The following GNG7 variants were observed in gnomAD, a reference collection of about 807,000 sequenced individuals.
The protein encoded by GNG7 is guanine nucleotide-binding protein G(I)/G(S)/G(O) subunit gamma-7.
Under a neutral mutation model 4.0 loss-of-function variants are expected in GNG7, and 1 was observed. That is an observed-to-expected ratio of 0.25 (90% confidence interval 0.09 to 1.18). The LOEUF is 1.18. GNG7 is among the 50% of genes most tolerant of loss of function. GNG7 has a pLI of 0.50. For missense variants in GNG7, 86 were observed against 91.9 expected, an observed-to-expected ratio of 0.94 and a Z score of 0.26; for synonymous variants, 34 against 36.9, an observed-to-expected ratio of 0.92 and a Z score of 0.29.
At chr19:2,655,464 G>C (rs188647982) in intron 1 of GNG7, among the ~76,000 whole-genome samples, 2 of 151,974 alleles carry the variant, frequency 1.3e-5, no homozygotes, top group Non-Finnish European at 2.9e-5. Context: ...TGTCATCCCA[G>C]CACTTTGGGA....
At position 2,514,943 on chromosome 19, in the gene GNG7, G is replaced by T; in HGVS notation, c.*79C>A. The stretch of plus-strand genomic sequence containing the variant: ...TTGTTTGAGCTAATTACTGAATGAT[G>T]CCCTGCCTGAGACAGAGACAGAGAC... On this transcript the variant is annotated 3_prime_UTR_variant, in exon 5 of 5. Transcript: ENST00000382159. 1 of 1,176,688 alleles carries T rather than the reference G, an allele frequency of 8.5e-7. No homozygotes were observed. The highest frequency in any genetic ancestry group is 1.3e-6 in the Non-Finnish European group (1 of 799,284). The allele number at this position is 1,176,688 out of a possible 1,614,324, so 72.9% of individuals were successfully genotyped here.
intron 2 of GNG7, among the ~76,000 whole-genome samples, chr19:2,579,184 G>A (rs993346810): frequency 1.3e-5 from 2 of 152,258 alleles, no homozygotes; most frequent in African/African-American, 4.8e-5. Context: ...AGGTCCAGAC[G>A]CCAAGGTCTG....
chr19:2,564,310 G>A (rs138446633), intron 2 of GNG7, among the ~76,000 whole-genome samples: 112 of 152,232 alleles, frequency 7.4e-4, no homozygotes, highest in African/African-American at 2.6e-3. Flanking sequence ...GCTGAGATTG[G>A]TGGCTCACAC....
At chr19:2,654,873 C>A (rs1052198034) in intron 1 of GNG7, among the ~76,000 whole-genome samples, 2 of 152,224 alleles carry the variant, frequency 1.3e-5, no homozygotes, top group Non-Finnish European at 2.9e-5. Context: ...CTGGCCTCCA[C>A]CCACTCCATG....
intron 1 of GNG7, among the ~76,000 whole-genome samples, chr19:2,648,727 A>ACTCAGGACAGCAGCAG: frequency 6.6e-6 from 1 of 152,286 alleles, no homozygotes; most frequent in East Asian, 1.9e-4. Flanking sequence ...AGGGCCTGCC[A>ACTCAGGACAGCAGCAG]CTCAGGACAG....
At chr19:2,578,179 C>T (rs1980399213) in intron 2 of GNG7, among the ~76,000 whole-genome samples, 1 of 151,580 alleles carries the variant, frequency 6.6e-6, no homozygotes, top group Non-Finnish European at 1.5e-5. Context: ...ATAGAGGGTG[C>T]TGATTCTTAG....
rs528143462 is a variant in GNG7 at position 2,634,905 on chromosome 19, G to A, written c.-78+11319C>T. 2.1e-4 allele frequency among the ~76,000 whole-genome samples: 31 copies of A among 151,174 alleles called. No individual in the cohort carries two copies. In the South Asian group the frequency reaches 5.4e-3, roughly 27 times the overall value. Reference sequence around the variant, plus strand: ...ATGTTACCAAAAAAAAAAAACCCTCGCCGGGAGAACAAGGAGCTACCAGAA... The same window carrying A: ...ATGTTACCAAAAAAAAAAAACCCTCACCGGGAGAACAAGGAGCTACCAGAA... On this transcript the variant is annotated intron_variant, in intron 2 of 4. Transcript: ENST00000382159. The surrounding 1 kb of genome is among the most constrained non-coding windows in gnomAD (Gnocchi z 5.3).
At chr19:2,635,484 T>G (rs1231297205) in intron 2 of GNG7, among the ~76,000 whole-genome samples, 2 of 151,944 alleles carry the variant, frequency 1.3e-5, no homozygotes, top group Non-Finnish European at 2.9e-5. Context: ...CTCTCCCTCC[T>G]CACTCGGAGT....
At chr19:2,639,180 A>C (rs374214008) in intron 2 of GNG7, among the ~76,000 whole-genome samples, 1 of 151,594 alleles carries the variant, frequency 6.6e-6, no homozygotes, top group East Asian at 1.9e-4. Flanking sequence ...GTGGCAGTGA[A>C]CCAAGATCGC....
chr19:2,553,540 C>T (rs1211995961), intron 3 of GNG7, among the ~76,000 whole-genome samples: 2 of 148,536 alleles, frequency 1.3e-5, no homozygotes, highest in African/African-American at 4.9e-5. Context: ...TGTAACATCA[C>T]ATTACATATA....
At chr19:2,527,788 C>A (rs2144734681) in intron 3 of GNG7, among the ~76,000 whole-genome samples, 1 of 151,612 alleles carries the variant, frequency 6.6e-6, no homozygotes, top group East Asian at 1.9e-4. Context: ...CCCCCCCCAC[C>A]AGTGCGCCCA....
chr19:2,568,417 G>GACATACACACATACATAT (rs1330877708), intron 2 of GNG7, among the ~76,000 whole-genome samples: 7 of 140,704 alleles, frequency 5.0e-5, no homozygotes, highest in East Asian at 2.2e-4. Flanking sequence ...TATACACATA[G>GACATACACACATACATAT]ACATACACAC....
chr19:2,634,949 G>A lies in GNG7; in HGVS notation c.-78+11275C>T, dbSNP rs1235823257. Among the ~76,000 whole-genome samples, 2 of 152,104 alleles carry A rather than the reference G, an allele frequency of 1.3e-5. No individual in the cohort carries two copies. Among genetic ancestry groups the A allele is most frequent in the Non-Finnish European group, 1.5e-5 (1 of 68,028 alleles). ...ACCAGAAAAACACACTCGGTGATCT[G>A]GAGGTCGCAAAGTTCTTCCGCACTC... On this transcript the variant is annotated intron_variant, in intron 2 of 4. Coordinates refer to ENST00000382159, the MANE Select transcript of GNG7 (RefSeq NM_052847.3). This position sits in a 1 kb window ranked among gnomAD's most constrained non-coding sequence, Gnocchi z 5.3.
intron 2 of GNG7, among the ~76,000 whole-genome samples, chr19:2,607,000 C>A (rs1254580388): frequency 1.3e-5 from 2 of 151,676 alleles, no homozygotes; most frequent in Non-Finnish European, 2.9e-5. Context: ...GCGGGGGGAT[C>A]ATTTGAGCCC....
intron 2 of GNG7, among the ~76,000 whole-genome samples, chr19:2,575,848 G>GACACGCAGGC (rs1980313083): frequency 9.1e-6 from 1 of 109,876 alleles, no homozygotes; most frequent in Non-Finnish European, 1.9e-5. Flanking sequence ...GGCACACGCA[G>GACACGCAGGC]ACACGCAGGC....
intron 1 of GNG7, among the ~76,000 whole-genome samples, chr19:2,698,899 T>A (rs148302236): frequency 6.6e-6 from 1 of 152,170 alleles, no homozygotes; most frequent in East Asian, 1.9e-4. Context: ...TTACGAAGCA[T>A]GAAACAAGAA....
chr19:2,586,195 G>C (rs370204513), intron 2 of GNG7, among the ~76,000 whole-genome samples: 36 of 152,146 alleles, frequency 2.4e-4, no homozygotes, highest in African/African-American at 8.0e-4. Flanking sequence ...CAGCCGTCTT[G>C]ATGGGGTGAG....
At chr19:2,665,510 G>A (rs1284875034) in intron 1 of GNG7, among the ~76,000 whole-genome samples, 4 of 152,062 alleles carry the variant, frequency 2.6e-5, no homozygotes, top group Admixed American at 6.6e-5. Flanking sequence ...GAGAACGAAC[G>A]GATTTCTATT....
At chr19:2,524,194 C>T (rs1978326645) in intron 3 of GNG7, among the ~76,000 whole-genome samples, 1 of 152,236 alleles carries the variant, frequency 6.6e-6, no homozygotes, top group Non-Finnish European at 1.5e-5. Context: ...TGGGCAGCCA[C>T]CGCCCGCAAT....
Sources: allele counts gnomAD v4.1 joint callset (sites outside exome capture counted in the v4.1 genomes callset), GRCh38; gene constraint gnomAD v4.1.1; non-coding constraint Gnocchi (gnomAD v3.1); transcripts MANE v1.5; gene names NCBI Gene and HGNC (gene_info 2026-07-23, HGNC 2026-07-21).